The following COX20 variants were observed in gnomAD, a reference collection of about 807,000 sequenced individuals.
The protein encoded by COX20 is cytochrome c oxidase assembly protein COX20, mitochondrial.
COX20 carries 14 observed loss-of-function variants against 14.3 expected under a neutral mutation model. The ratio of observed to expected loss-of-function variants is 0.98; its 90% CI spans 0.65 to 1.53. The LOEUF (loss-of-function observed/expected upper bound fraction) is 1.53. Ranked by LOEUF, COX20 falls within the 40% of genes most tolerant of loss-of-function variation. The probability of loss-of-function intolerance (pLI) is 0.00; values close to 1 mark genes in which losing one functional copy is unlikely to be tolerated. For synonymous variants in COX20, 56 were observed against 51.7 expected, an observed-to-expected ratio of 1.08 and a Z score of -0.36; for missense variants, 149 against 142.1, an observed-to-expected ratio of 1.05 and a Z score of -0.25.
Position 244,843,508 on chromosome 1 carries a change from C to A in COX20, c.*332C>A. 5.0e-6 allele frequency: 1 copy of A among 201,408 alleles called. No individual in the cohort carries two copies. The highest frequency in any genetic ancestry group is 9.9e-6 in the Non-Finnish European group (1 of 100,726). 12.5% of individuals were successfully genotyped at this position (201,408 alleles called of 1,614,324 possible). On this transcript the variant is annotated 3_prime_UTR_variant, in exon 4 of 4. Coordinates refer to ENST00000411948, the MANE Select transcript of COX20 (RefSeq NM_198076.6). ...TAGAGTTTGATGATAAGTAAACGTC[C>A]CTTAACAAAAACCTCAACCTTATTA...
rs146116444 is a variant in COX20 at position 244,841,820 on chromosome 1, G to A, written c.43-124G>A. 2.4e-3 allele frequency: 1,493 copies of A among 613,630 alleles called. 8 individuals are homozygous for A. Among genetic ancestry groups the A allele is most frequent in the Non-Finnish European group, 2.2e-3 (741 of 341,866 alleles). 38.0% of individuals were successfully genotyped at this position (613,630 alleles called of 1,614,324 possible). A position where few individuals can be genotyped will look rare whatever the true frequency, so the allele number is the denominator to read the frequency against. ...AACGCAAGCTGATTTAGGTTGTCAC[G>A]TGGCACATACTCTAGTTTAAACCCT... On this transcript the variant is annotated intron_variant, in intron 1 of 3. Coordinates refer to ENST00000411948, the MANE Select transcript of COX20 (RefSeq NM_198076.6).
chr1:244,843,006 A>AT (rs1440752873), intron 3 of COX20, 35 bp from the exon 4 acceptor site: 2 of 1,432,416 alleles, frequency 1.4e-6, no homozygotes, highest in African/African-American at 1.5e-5. Flanking sequence ...GTAGGACTTT[A>AT]TATTAACAAT....
At chr1:244,842,117 G>T (rs577706271) in intron 2 of COX20, 59 bp downstream of exon 2, 7 of 1,498,056 alleles carry the variant, frequency 4.7e-6, no homozygotes, top group Non-Finnish European at 6.5e-6. Flanking sequence ...TCTACATAAT[G>T]AACTATTTTT....
Position 244,842,107 on chromosome 1 carries a change from T to C in COX20, c.157+49T>C, listed in dbSNP as rs138969012. On this transcript the variant is annotated intron_variant, in intron 2 of 3. Coordinates refer to ENST00000411948, the MANE Select transcript of COX20 (RefSeq NM_198076.6). Reference sequence around the variant, plus strand: ...CTCTATGTACTAAAAAAAGCATTTCTCTACATAATGAACTATTTTTTTTTC... The same window carrying C: ...CTCTATGTACTAAAAAAAGCATTTCCCTACATAATGAACTATTTTTTTTTC... 527 of 1,513,774 alleles carry C rather than the reference T, an allele frequency of 3.5e-4. 3 individuals carry two copies. The African/African-American group carries it at 6.5e-3, about 19-fold the overall frequency. 93.8% of individuals were successfully genotyped at this position (1,513,774 alleles called of 1,614,324 possible).
At chr1:244,835,607 C>T (rs983285450), upstream of COX20, 57 of 790,256 alleles carry the variant, frequency 7.2e-5, no homozygotes, top group Middle Eastern at 3.5e-3. Flanking sequence ...CGGAACAGGG[C>T]GGGAGGCGGC....
At chr1:244,840,705 G>C (rs1680167252) in intron 1 of COX20, 1 of 152,158 alleles carries the variant, frequency 6.6e-6, no homozygotes, top group Non-Finnish European at 1.5e-5. Context: ...ACAGATGCTT[G>C]AGCCAAAAAA....
At position 244,843,040 on chromosome 1, in the gene COX20, G is replaced by A. The variant is rs1199123875; in HGVS notation, c.222-1G>A. The A allele has an allele frequency of 1.3e-6, 2 of 1,540,470 alleles. No homozygotes were observed. The highest frequency in any genetic ancestry group is 2.3e-5 in the Admixed American group (1 of 43,858). On this transcript the variant is annotated splice_acceptor_variant, in intron 3 of 3. Transcript: ENST00000411948. LOFTEE classifies it high-confidence loss of function. ...ATTTATTCATATTCTTTTCTTCTAA[G>A]GTTTCATTGTAGGTATAATTATGCA... is the stretch of plus-strand genomic sequence containing the variant.
At chr1:244,836,298 G>C (rs1365163547) in intron 1 of COX20, among the ~76,000 whole-genome samples, 2 of 152,098 alleles carry the variant, frequency 1.3e-5, no homozygotes, top group Admixed American at 1.3e-4. Flanking sequence ...TTGTCCGCTG[G>C]CCCTTTCCAG....
At chr1:244,842,474 T>C (rs2102975935) in intron 3 of COX20, 1 of 521,272 alleles carries the variant, frequency 1.9e-6, no homozygotes, top group East Asian at 3.0e-5. Flanking sequence ...GTTTTTACAC[T>C]TCACTTAGGA....
chr1:244,840,402 TAG>T (rs1267132349), intron 1 of COX20: 1 of 152,276 alleles, frequency 6.6e-6, no homozygotes, highest in African/African-American at 2.4e-5. Context: ...TAGTCTAGTT[TAG>T]AGGTAGTCCT....
intron 1 of COX20, among the ~76,000 whole-genome samples, chr1:244,837,268 C>T (rs942246939): frequency 1.3e-5 from 2 of 152,242 alleles, no homozygotes; most frequent in Non-Finnish European, 2.9e-5. Context: ...GCTCATGAAA[C>T]AGTAGTACCT....
rs768432039 is a variant in COX20, at chr1:244,835,732, G to C, written c.18G>C (p.Glu6Asp). Residue 6 changes from glutamate (E) to aspartate (D), a missense_variant, in exon 1 of 4, where the codon GAG (glutamate) becomes GAC (aspartate). Glu to Asp is a conservative substitution (Grantham distance 45). Coordinates refer to ENST00000411948, the MANE Select transcript of COX20 (RefSeq NM_198076.6). MAAPP[E>D]PGEPEERKSL... is the part of the protein sequence containing the mutation. ...TAGTCCTCATGGCCGCCCCGCCGGA[G>C]CCCGGTGAGCCCGAGGAGAGGAAGG... is the stretch of plus-strand genomic sequence containing the variant. 1 of 1,272,036 alleles carries C rather than the reference G, an allele frequency of 7.9e-7. No individual in the cohort carries two copies. The highest frequency in any genetic ancestry group is 9.9e-7 in the Non-Finnish European group (1 of 1,005,654). The allele number at this position is 1,272,036 out of a possible 1,614,324, so 78.8% of individuals were successfully genotyped here.
At position 244,842,972 on chromosome 1, in the gene COX20, G is replaced by C. The variant is rs959962433; in HGVS notation, c.222-69G>C. The C allele has an allele frequency of 4.2e-6, 5 of 1,185,980 alleles. No homozygotes were observed. The African/African-American group carries it at 6.5e-5, about 15-fold the overall frequency. The allele number at this position is 1,185,980 out of a possible 1,614,324, so 73.5% of individuals were successfully genotyped here. On this transcript the variant is annotated intron_variant, in intron 3 of 3. Coordinates refer to ENST00000411948, the MANE Select transcript of COX20 (RefSeq NM_198076.6). Reference sequence around the variant, plus strand: ...CTGTATTTAAGTTTTGTGTGATTTAGAGAAATTTCATAAATTAATTTCTGT... The same window carrying C: ...CTGTATTTAAGTTTTGTGTGATTTACAGAAATTTCATAAATTAATTTCTGT...
At chr1:244,835,542 C>G, upstream of COX20, 1 of 414,040 alleles carries the variant, frequency 2.4e-6, no homozygotes, top group Non-Finnish European at 4.1e-6. Flanking sequence ...CAGCCCGGCC[C>G]CGTGCGGCCA....
intron 1 of COX20, among the ~76,000 whole-genome samples, chr1:244,839,133 C>G (rs1217443897): frequency 6.6e-6 from 1 of 152,078 alleles, no homozygotes; most frequent in African/African-American, 2.4e-5. Context: ...ACTAACGATG[C>G]AAATGAAAGG....
chr1:244,837,279 A>C (rs1037913980), intron 1 of COX20, among the ~76,000 whole-genome samples: 3 of 152,216 alleles, frequency 2.0e-5, no homozygotes, highest in African/African-American at 4.8e-5. Flanking sequence ...AGTAGTACCT[A>C]TCAGAGCCCA....
rs531568922 is a variant in COX20 at position 244,835,745 on chromosome 1, G to A, written c.31G>A (p.Glu11Lys). 133 of 1,273,422 alleles carry A rather than the reference G, an allele frequency of 1.0e-4. 1 individual carries two copies. In the East Asian group the frequency reaches 4.1e-3, roughly 39 times the overall value. 78.9% of individuals were successfully genotyped at this position (1,273,422 alleles called of 1,614,324 possible). A position where few individuals can be genotyped will look rare whatever the true frequency, so the allele number is the denominator to read the frequency against. The change falls in exon 1 of 4, where the codon GAG becomes AAG. Residue 11 changes from glutamate (E) to lysine (K), a missense_variant. Glu to Lys is a moderately conservative substitution (Grantham distance 56, BLOSUM62 1). Transcript: ENST00000411948. ...CGCCCCGCCGGAGCCCGGTGAGCCC[G>A]AGGAGAGGAAGGTAACCTGGGGGTC... MAAPPEPGEPEERKSLKLLGF... is the reference protein window; with the variant it reads MAAPPEPGEPKERKSLKLLGF...
chr1:244,835,613 G>A (rs1679941563), upstream of COX20: 1 of 918,286 alleles, frequency 1.1e-6, no homozygotes, highest in Non-Finnish European at 1.4e-6. Context: ...AGGGCGGGAG[G>A]CGGCGGCGCG....
At chr1:244,835,818 G>A (rs959518824) in intron 1 of COX20, 62 bp downstream of exon 1, 3 of 1,164,294 alleles carry the variant, frequency 2.6e-6, no homozygotes, top group Admixed American at 4.2e-5. Flanking sequence ...CGTTCTCCGC[G>A]GAGCTCCTAG....
Sources: allele counts gnomAD v4.1 joint callset (sites outside exome capture counted in the v4.1 genomes callset), GRCh38; gene constraint gnomAD v4.1.1; transcripts MANE v1.5; gene names NCBI Gene and HGNC (gene_info 2026-07-23, HGNC 2026-07-21).